The following ANKRD11 variants were observed in gnomAD, a reference collection of about 807,000 sequenced individuals.
ANKRD11 encodes the protein ankyrin repeat domain 11.
ANKRD11 carries 17 observed loss-of-function variants against 195.7 expected under a neutral mutation model. The observed-to-expected ratio is 0.09, with a 90% CI of 0.06 to 0.13. The LOEUF (loss-of-function observed/expected upper bound fraction) is 0.13, where lower values mean the gene tolerates loss of function less well. Among genes scored for constraint, ANKRD11 ranks in the 10% least tolerant of loss-of-function variants. ANKRD11 has a pLI of 1.00. For missense variants in ANKRD11, 3,735 were observed against 3,566.1 expected, an observed-to-expected ratio of 1.05 and a Z score of -1.21; for synonymous variants, 1,953 against 1,528.1, an observed-to-expected ratio of 1.28 and a Z score of -6.49.
chr16:89,367,126 C>G (rs764488862), intron 2 of ANKRD11, among the ~76,000 whole-genome samples: 13 of 152,188 alleles, frequency 8.5e-5, no homozygotes, highest in Non-Finnish European at 1.6e-4. Context: ...ACTACCTCAA[C>G]TCTCCACCCC....
chr16:89,387,678 T>TA (rs1389751484), intron 2 of ANKRD11, among the ~76,000 whole-genome samples: 5 of 41,706 alleles, frequency 1.2e-4, no homozygotes, highest in Non-Finnish European at 2.4e-4. Flanking sequence ...ATCTCAAAAA[T>TA]AAAAAAAGAA....
intron 2 of ANKRD11, among the ~76,000 whole-genome samples, chr16:89,349,877 C>A (rs899398666): frequency 2.8e-4 from 28 of 100,182 alleles, no homozygotes; most frequent in Non-Finnish European, 5.7e-4. Context: ...CACACACACA[C>A]ACACACACAC....
chr16:89,361,468 G>C (rs1293091083), intron 2 of ANKRD11: 1 of 152,272 alleles, frequency 6.6e-6, no homozygotes, highest in Admixed American at 6.5e-5. Flanking sequence ...GTTTGTGCCA[G>C]TCCACCTGTT....
chr16:89,401,661 A>G (rs888859108), intron 2 of ANKRD11, among the ~76,000 whole-genome samples: 1 of 152,134 alleles, frequency 6.6e-6, no homozygotes, highest in East Asian at 1.9e-4. Context: ...AACACCACAG[A>G]CGATGGCCTT....
At position 89,284,726 on chromosome 16, in the gene ANKRD11, CCGACAGGGAGGCTCGCTTCCTGTG is replaced by C; in HGVS notation, c.1792_1815del (p.His598_Ser605del). ...CTGGACAGGAAGGGGCTCTTCTTCT[CCGACAGGGAGGCTCGCTTCCTGTG>C]CTCCTGCCTCTTCCTCACTGGCTTC... is the stretch of plus-strand genomic sequence containing the variant. On this transcript the variant is annotated inframe_deletion, in exon 9 of 13. Coordinates refer to ENST00000301030, the MANE Select transcript of ANKRD11 (RefSeq NM_013275.6). The C allele has an allele frequency of 1.2e-6, 2 of 1,613,802 alleles. No individual in the cohort carries two copies. Among genetic ancestry groups the C allele is most frequent in the Non-Finnish European group, 1.7e-6 (2 of 1,179,976 alleles).
At chr16:89,439,888 T>C (rs1486777356) in intron 1 of ANKRD11, among the ~76,000 whole-genome samples, 3 of 152,200 alleles carry the variant, frequency 2.0e-5, no homozygotes, top group Non-Finnish European at 4.4e-5. Flanking sequence ...CCTAGACTGA[T>C]GGGCGGCCTC....
chr16:89,341,903 C>A (rs866222014), intron 2 of ANKRD11, among the ~76,000 whole-genome samples: 1,413 of 51,848 alleles, frequency 0.027, no homozygotes, highest in Middle Eastern at 0.067. Flanking sequence ...CACCTCCACC[C>A]ACAGCGGCCA....
intron 11 of ANKRD11, among the ~76,000 whole-genome samples, chr16:89,273,924 G>A (rs1358604507): frequency 6.6e-6 from 1 of 152,086 alleles, no homozygotes; most frequent in Non-Finnish European, 1.5e-5. Context: ...TGCGAGATCT[G>A]GACACCAAGG....
chr16:89,362,196 CCTT>C, intron 2 of ANKRD11, among the ~76,000 whole-genome samples: 2 of 152,300 alleles, frequency 1.3e-5, no homozygotes, highest in East Asian at 3.9e-4. Flanking sequence ...ATACCAACTG[CCTT>C]CTTCTTCCCC....
intron 2 of ANKRD11, among the ~76,000 whole-genome samples, chr16:89,340,781 A>C (rs2038619346): frequency 6.6e-6 from 1 of 152,248 alleles, no homozygotes; most frequent in Non-Finnish European, 1.5e-5. Flanking sequence ...AAGGGCCCAG[A>C]GAGCTCTGAA....
At chr16:89,438,054 G>A (rs1326200663) in intron 1 of ANKRD11, among the ~76,000 whole-genome samples, 1 of 152,226 alleles carries the variant, frequency 6.6e-6, no homozygotes, top group East Asian at 1.9e-4. Flanking sequence ...GAAGGCAAGT[G>A]GCAGTGTCCC....
intron 2 of ANKRD11, among the ~76,000 whole-genome samples, chr16:89,352,546 A>G (rs2039271413): frequency 6.6e-6 from 1 of 152,206 alleles, no homozygotes; most frequent in Admixed American, 6.5e-5. Flanking sequence ...CCTGCCCCCA[A>G]GAGTGAGGCC....
chr16:89,349,193 G>C (rs2039090017), intron 2 of ANKRD11, among the ~76,000 whole-genome samples: 1 of 138,326 alleles, frequency 7.2e-6, no homozygotes, highest in Non-Finnish European at 1.6e-5. Flanking sequence ...AGACAGTGTG[G>C]TGTTAGCAAA....
chr16:89,280,038 T>C lies in ANKRD11; in HGVS notation c.6504A>G (p.Pro2168=), dbSNP rs747483763. The C allele has an allele frequency of 2.5e-6, 4 of 1,612,852 alleles. No individual in the cohort carries two copies. In the South Asian group the frequency reaches 3.3e-5, roughly 13 times the overall value. ...CACCGTTTATGACCCCGGGGGCCCC[T>C]GGAGGCATCTCTTCTGGAGGAGCAA... is the stretch of plus-strand genomic sequence containing the variant. ...ESLAPPEEMP[P]GAPGVINGGD... Residue 2168 remains proline (P), a synonymous_variant, in exon 9 of 13, where the codon CCA becomes CCG. Coordinates refer to ENST00000301030, the MANE Select transcript of ANKRD11 (RefSeq NM_013275.6).
chr16:89,469,733 C>T (rs1287938383), intron 1 of ANKRD11, among the ~76,000 whole-genome samples: 3 of 149,856 alleles, frequency 2.0e-5, no homozygotes, highest in Non-Finnish European at 4.4e-5. Flanking sequence ...CCCGTCTCTA[C>T]TAAAAATGCA....
rs1296702486 is a variant in ANKRD11 at position 89,282,755 on chromosome 16, CTTT to C, written c.3784_3786del (p.Lys1262del). On this transcript the variant is annotated inframe_deletion, in exon 9 of 13. Transcript: ENST00000301030. ...GAGGACTTCCTCTCCTTGGAATGTT[CTTT>C]GTCCGACTTCTCTTTGTGTTTGCTT... is the stretch of plus-strand genomic sequence containing the variant. 1 of 1,613,286 alleles carries C rather than the reference CTTT, an allele frequency of 6.2e-7. No homozygotes were observed.
At chr16:89,331,217 G>C (rs1217028231) in intron 2 of ANKRD11, among the ~76,000 whole-genome samples, 2 of 152,236 alleles carry the variant, frequency 1.3e-5, no homozygotes, top group African/African-American at 2.4e-5. Flanking sequence ...GATTCCCAAA[G>C]TGCTAGGATT....
intron 2 of ANKRD11, among the ~76,000 whole-genome samples, chr16:89,369,191 GA>G (rs1271851431): frequency 1.3e-5 from 2 of 152,152 alleles, no homozygotes; most frequent in Admixed American, 6.5e-5. Context: ...TCCCAAGAGA[GA>G]ATATGAAACA....
intron 1 of ANKRD11, among the ~76,000 whole-genome samples, chr16:89,456,583 C>G (rs147521855): frequency 6.6e-6 from 1 of 151,434 alleles, no homozygotes; most frequent in African/African-American, 2.4e-5. Context: ...AAGTGTCAAT[C>G]AAGACAGGAT....
Sources: allele counts gnomAD v4.1 joint callset (sites outside exome capture counted in the v4.1 genomes callset), GRCh38; gene constraint gnomAD v4.1.1; transcripts MANE v1.5; gene names NCBI Gene and HGNC (gene_info 2026-07-23, HGNC 2026-07-21).